The following CD2AP variants were observed in gnomAD, a reference collection of about 807,000 sequenced individuals.
The protein encoded by CD2AP is CD2-associated protein.
In CD2AP, 46 loss-of-function variants were observed where a neutral mutation model predicts 85.1. The observed-to-expected ratio is 0.54, with a 90% CI of 0.43 to 0.69. The LOEUF is 0.69. Ranked by LOEUF, CD2AP falls within the 30% of genes least tolerant of loss-of-function variation. The probability of loss-of-function intolerance (pLI) is 0.00; values close to 1 mark genes in which losing one functional copy is unlikely to be tolerated. For synonymous variants in CD2AP, 255 were observed against 252.9 expected (o/e 1.01, Z -0.08); for missense variants, 769 against 729.5 (o/e 1.05, Z -0.62).
intron 1 of CD2AP, among the ~76,000 whole-genome samples, chr6:47,495,831 T>C (rs1016926632): frequency 1.3e-5 from 2 of 152,214 alleles, no homozygotes; most frequent in African/African-American, 4.8e-5. Flanking sequence ...TTGGCGTTTT[T>C]ATGCTTTTTC....
chr6:47,508,580 CTG>C (rs1371937158), intron 2 of CD2AP, among the ~76,000 whole-genome samples: 1 of 131,228 alleles, frequency 7.6e-6, no homozygotes, highest in East Asian at 2.2e-4. Flanking sequence ...GAGTCTCGCT[CTG>C]TTGCCCAGGG....
intron 11 of CD2AP, chr6:47,582,292 G>A: frequency 4.7e-6 from 2 of 428,164 alleles, no homozygotes; most frequent in South Asian, 5.9e-5. Flanking sequence ...TCTTTATTCA[G>A]TTATTTCACA....
rs117705268 is a variant in CD2AP at position 47,535,077 on chromosome 6, G to A, written c.319+1322G>A. Among the ~76,000 whole-genome samples the A allele has an allele frequency of 1.2e-3, 183 of 152,246 alleles. 1 individual carries two copies. In the East Asian group the frequency reaches 0.026, roughly 22 times the overall value. On this transcript the variant is annotated intron_variant, in intron 3 of 17. Transcript: ENST00000359314. ...TTCCCAAAGTGCTGGAATTACAGAC[G>A]TGAGCCACCATGCTAGCCTAGAGAT... is the stretch of plus-strand genomic sequence containing the variant.
intron 8 of CD2AP, among the ~76,000 whole-genome samples, chr6:47,577,701 G>C (rs998267825): frequency 6.6e-6 from 1 of 152,050 alleles, no homozygotes; most frequent in Non-Finnish European, 1.5e-5. Context: ...TTTTGTTTTT[G>C]CTATAACCCT....
chr6:47,486,719 TC>T (rs1765574788), intron 1 of CD2AP, among the ~76,000 whole-genome samples: 1 of 152,220 alleles, frequency 6.6e-6, no homozygotes, highest in African/African-American at 2.4e-5. Context: ...CTATCAGTGT[TC>T]CAATAATGAA....
intron 1 of CD2AP, among the ~76,000 whole-genome samples, chr6:47,484,296 G>A (rs1382793238): frequency 1.3e-5 from 2 of 151,188 alleles, no homozygotes; most frequent in African/African-American, 2.4e-5. Flanking sequence ...AATGAAGTAG[G>A]CATTTTCCTT....
chr6:47,600,454 C>T (rs1485786), intron 13 of CD2AP, among the ~76,000 whole-genome samples: 38,047 of 151,672 alleles, frequency 0.25, 5,481 homozygotes, highest in East Asian at 0.6. Flanking sequence ...CCTTATTCTT[C>T]CCTCTTTCAG....
rs563479144 is a variant in CD2AP at position 47,602,965 on chromosome 6, A to G, written c.1418-3200A>G. ...ATTCGATGGAAGCATTCATTGTTGA[A>G]TAAGGAAACACATTTGTTTTTCTTC... On this transcript the variant is annotated intron_variant, in intron 13 of 17. Coordinates refer to ENST00000359314, the MANE Select transcript of CD2AP (RefSeq NM_012120.3). Among the ~76,000 whole-genome samples, 3 of 152,192 alleles carry G rather than the reference A, an allele frequency of 2.0e-5. No homozygotes were observed. The East Asian group carries it at 5.8e-4, about 29-fold the overall frequency.
chr6:47,623,978 T>C (rs1011799366), intron 17 of CD2AP, among the ~76,000 whole-genome samples: 1 of 152,154 alleles, frequency 6.6e-6, no homozygotes, highest in African/African-American at 2.4e-5. Flanking sequence ...CTATAATTGC[T>C]TTTTTCTTAT....
intron 6 of CD2AP, 117 bp from the exon 7 acceptor site, chr6:47,576,407 C>T: frequency 1.3e-6 from 1 of 757,914 alleles, no homozygotes; most frequent in Non-Finnish European, 2.3e-6. Flanking sequence ...AGTCACATTA[C>T]TATCCTAGCT....
At chr6:47,504,915 GT>G (rs2113983001) in intron 2 of CD2AP, among the ~76,000 whole-genome samples, 1 of 151,710 alleles carries the variant, frequency 6.6e-6, no homozygotes, top group African/African-American at 2.4e-5. Context: ...TGAGCCTTCA[GT>G]GAGTCACCAT....
At chr6:47,562,920 C>T (rs1767899953) in intron 5 of CD2AP, 1 of 629,582 alleles carries the variant, frequency 1.6e-6, no homozygotes, top group Admixed American at 2.0e-5. Context: ...AGAGAGAAAA[C>T]CCTATAAAGA....
chr6:47,511,073 C>CAAAAAA (rs70999630), intron 2 of CD2AP, among the ~76,000 whole-genome samples: 4 of 51,880 alleles, frequency 7.7e-5, no homozygotes, highest in African/African-American at 1.9e-4. Flanking sequence ...CTCTGTGTCT[C>CAAAAAA]AAAAAAAAAA....
chr6:47,625,413 A>G lies in CD2AP; in HGVS notation c.*1186A>G, dbSNP rs980554986. 1 of 151,964 alleles carries G rather than the reference A, an allele frequency of 6.6e-6. No individual in the cohort carries two copies. Among genetic ancestry groups the G allele is most frequent in the African/African-American group, 2.4e-5 (1 of 41,448 alleles). 9.4% of individuals were successfully genotyped at this position (151,964 alleles called of 1,614,324 possible). On this transcript the variant is annotated 3_prime_UTR_variant, in exon 18 of 18. Coordinates refer to ENST00000359314, the MANE Select transcript of CD2AP (RefSeq NM_012120.3). ...CATTACAGCTTATTTAAAACCAAAT[A>G]TAGTTGAACATATTTAAAATACATT...
At chr6:47,596,114 G>A (rs1481119350) in intron 12 of CD2AP, 88 bp downstream of exon 12, 1 of 934,714 alleles carries the variant, frequency 1.1e-6, no homozygotes, top group African/African-American at 1.7e-5. Context: ...CTCCAGGTAT[G>A]TTTTTTCTTA....
intron 11 of CD2AP, chr6:47,582,277 T>A (rs1768501295): frequency 2.1e-6 from 1 of 472,364 alleles, no homozygotes; most frequent in Non-Finnish European, 3.9e-6. Flanking sequence ...TTCAGTAGGA[T>A]GTTGTCTTTA....
chr6:47,553,487 C>T (rs1231231513), intron 4 of CD2AP, among the ~76,000 whole-genome samples: 1 of 148,984 alleles, frequency 6.7e-6, no homozygotes, highest in Non-Finnish European at 1.5e-5. Context: ...GATGGGACTA[C>T]AGGTGTGCAC....
chr6:47,538,683 A>G (rs2114034473), intron 3 of CD2AP, among the ~76,000 whole-genome samples: 1 of 152,352 alleles, frequency 6.6e-6, no homozygotes, highest in South Asian at 2.1e-4. Flanking sequence ...AAGTTTTAGC[A>G]TTCAACCTCC....
intron 14 of CD2AP, among the ~76,000 whole-genome samples, chr6:47,607,417 C>A (rs1038753721): frequency 1.3e-5 from 2 of 152,058 alleles, no homozygotes; most frequent in African/African-American, 4.8e-5. Context: ...TACATTCCCC[C>A]CAACAGTGTA....
Sources: allele counts gnomAD v4.1 joint callset (sites outside exome capture counted in the v4.1 genomes callset), GRCh38; gene constraint gnomAD v4.1.1; transcripts MANE v1.5; gene names NCBI Gene and HGNC (gene_info 2026-07-23, HGNC 2026-07-21).